NME6: variants seen among roughly 807,000 people sequenced by gnomAD.
NME6 encodes NME/NM23 nucleoside diphosphate kinase 6.
In NME6, 16 loss-of-function variants were observed where a neutral mutation model predicts 22.2. The observed-to-expected ratio is 0.72, with a 90% CI of 0.49 to 1.09. NME6 has a LOEUF of 1.09. Ranked by LOEUF, NME6 falls within the 50% of genes least tolerant of loss-of-function variation. The pLI, the probability that NME6 is intolerant of heterozygous loss-of-function variation, is 0.00. For missense variants in NME6, 229 were observed against 239.0 expected (o/e 0.96, Z 0.28); for synonymous variants, 58 against 85.2 (o/e 0.68, Z 1.76).
downstream of NME6, chr3:48,292,282 C>A (rs1434212818): frequency 6.6e-6 from 1 of 152,202 alleles, no homozygotes; most frequent in Non-Finnish European, 1.5e-5. Flanking sequence ...ACATCTATCT[C>A]TATAGACTGA....
At position 48,294,560 on chromosome 3, in the gene NME6, C is replaced by G. The variant is rs768418713; in HGVS notation, c.*77G>C. 148 of 1,516,172 alleles carry G rather than the reference C, an allele frequency of 9.8e-5. No homozygotes were observed. The highest frequency in any genetic ancestry group is 1.3e-4 in the Non-Finnish European group (139 of 1,108,880). 93.9% of individuals were successfully genotyped at this position (1,516,172 alleles called of 1,614,324 possible). ...GAAATGGCACTGTAAGCCAGGCTTC[C>G]CTGGTCCTAGGAGAATGTTTTAGAC... On this transcript the variant is annotated 3_prime_UTR_variant, in exon 6 of 6. Transcript: ENST00000442597.
At chr3:48,296,928 G>T in intron 2 of NME6, 99 bp from the exon 3 acceptor site, 1 of 880,404 alleles carries the variant, frequency 1.1e-6, no homozygotes, top group Non-Finnish European at 1.8e-6. Context: ...CTGAGGGTTT[G>T]TCCCATTGAA....
At chr3:48,300,776 G>C (rs763121245) in intron 1 of NME6, 1 of 175,192 alleles carries the variant, frequency 5.7e-6, no homozygotes, top group Non-Finnish European at 1.2e-5. Context: ...GGCAGGGCGC[G>C]GTGTCTCACG....
chr3:48,298,360 G>T, intron 2 of NME6, 67 bp downstream of exon 2: 2 of 1,361,322 alleles, frequency 1.5e-6, no homozygotes, highest in Non-Finnish European at 2.1e-6. Context: ...ACCATAAATG[G>T]CCCAATGGCA....
chr3:48,298,934 T>A (rs1239384191), intron 1 of NME6: 3 of 702,764 alleles, frequency 4.3e-6, no homozygotes, highest in Non-Finnish European at 5.2e-6. Context: ...AATTCATCTC[T>A]TAAAATCTTC....
chr3:48,298,112 C>A (rs1371433375), intron 2 of NME6: 2 of 364,384 alleles, frequency 5.5e-6, no homozygotes, highest in Admixed American at 8.5e-5. Context: ...AACTACTGAA[C>A]TGTGAAATAA....
At position 48,296,157 on chromosome 3, in the gene NME6, C is replaced by T; in HGVS notation, c.195G>A (p.Gly65=). 1 of 1,614,172 alleles carries T rather than the reference C, an allele frequency of 6.2e-7. No homozygotes were observed. The highest frequency in any genetic ancestry group is 8.5e-7 in the Non-Finnish European group (1 of 1,180,026). Residue 65 remains glycine, a splice_region_variant and synonymous_variant, in exon 4 of 6, where the codon GGG becomes GGA. Coordinates refer to ENST00000442597, the MANE Select transcript of NME6 (RefSeq NM_001308426.2). Reference sequence around the variant, plus strand: ...CCACCAGCCTCTGATAGAAAAAACGCCCTGCAAAGAGAGAGGACCTTCATC... The same window carrying T: ...CCACCAGCCTCTGATAGAAAAAACGTCCTGCAAAGAGAGAGGACCTTCATC... ...DCQRFYREHE[G]RFFYQRLVEF...
chr3:48,289,126 G>A (rs986035362), downstream of NME6, among the ~76,000 whole-genome samples: 7 of 151,800 alleles, frequency 4.6e-5, no homozygotes, highest in South Asian at 2.1e-4. Context: ...GTGCAATGGC[G>A]TGATCTCAGC....
At chr3:48,291,357 T>G (rs569982377), downstream of NME6, 1 of 471,970 alleles carries the variant, frequency 2.1e-6, no homozygotes, top group East Asian at 7.0e-5. Flanking sequence ...GACTTCCTTG[T>G]TTTCTTTTGC....
chr3:48,298,684 C>T (rs1246598372), intron 1 of NME6, among the ~76,000 whole-genome samples, 161 bp from the exon 2 acceptor site: 1 of 152,158 alleles, frequency 6.6e-6, no homozygotes, highest in Non-Finnish European at 1.5e-5. Context: ...ATTTTAATTG[C>T]CCATTTGGGC....
At chr3:48,290,887 A>G, downstream of NME6, 2 of 235,554 alleles carry the variant, frequency 8.5e-6, no homozygotes, top group East Asian at 1.2e-4. Flanking sequence ...GAATCTTAGG[A>G]TTCTTCTTTT....
At chr3:48,287,787 C>A (rs2034252889), downstream of NME6, among the ~76,000 whole-genome samples, 2 of 152,010 alleles carry the variant, frequency 1.3e-5, no homozygotes, top group Non-Finnish European at 2.9e-5. Flanking sequence ...TTCATCCTAA[C>A]AAGAAGGAAG....
chr3:48,294,484 G>A lies in NME6; in HGVS notation c.*153C>T. The A allele has an allele frequency of 1.6e-6, 1 of 644,702 alleles. No individual in the cohort carries two copies. Among genetic ancestry groups the A allele is most frequent in the Non-Finnish European group, 2.7e-6 (1 of 373,428 alleles). The allele number at this position is 644,702 out of a possible 1,614,324, so 39.9% of individuals were successfully genotyped here. A position where few individuals can be genotyped will look rare whatever the true frequency, so the allele number is the denominator to read the frequency against. ...GAGGTAGATAGAAGGCTAGATCCTG[G>A]AGGATGTGCTGTGGTGAGCTAGGCC... On this transcript the variant is annotated 3_prime_UTR_variant, in exon 6 of 6. Transcript: ENST00000442597.
chr3:48,296,148 G>A lies in NME6; in HGVS notation c.204C>T (p.Phe68=), dbSNP rs200884294. ...CCATGAACTCCACCAGCCTCTGATA[G>A]AAAAAACGCCCTGCAAAGAGAGAGG... ...RFYREHEGRF[F]YQRLVEFMAS... Residue 68 remains phenylalanine (F), a synonymous_variant, in exon 4 of 6, where the codon TTC becomes TTT. Transcript: ENST00000442597. 2.0e-4 allele frequency: 330 copies of A among 1,614,080 alleles called. 3 individuals are homozygous for A. In the Middle Eastern group the frequency reaches 2.1e-3, roughly 10 times the overall value.
At chr3:48,289,405 G>A (rs2034312097), downstream of NME6, among the ~76,000 whole-genome samples, 2 of 152,080 alleles carry the variant, frequency 1.3e-5, no homozygotes, top group South Asian at 4.2e-4. Context: ...GTGGAAAGGT[G>A]GATTGAGGGA....
chr3:48,295,554 T>G (rs2034995203), intron 4 of NME6: 1 of 299,714 alleles, frequency 3.3e-6, no homozygotes, highest in South Asian at 6.7e-5. Context: ...TACAACTTTA[T>G]TTTTTGAGAT....
At chr3:48,296,674 T>C in intron 3 of NME6, 53 bp downstream of exon 3, 1 of 1,272,300 alleles carries the variant, frequency 7.9e-7, no homozygotes, top group South Asian at 1.2e-5. Flanking sequence ...AAAATCTCTC[T>C]TATGGCCTCT....
At chr3:48,291,206 T>C, downstream of NME6, 1 of 366,710 alleles carries the variant, frequency 2.7e-6, no homozygotes, top group South Asian at 2.3e-5. Context: ...AGCTGTGTAA[T>C]ATATTGGAAA....
At chr3:48,290,974 C>T (rs2034412202), downstream of NME6, 5 of 291,646 alleles carry the variant, frequency 1.7e-5, no homozygotes, top group South Asian at 1.5e-4. Context: ...TAGATTCCTT[C>T]CTGTGCGTGG....
Sources: gnomAD v4.1 joint callset for allele counts (sites outside exome capture counted in the v4.1 genomes callset) on GRCh38, gnomAD v4.1.1 for gene constraint, MANE v1.5 for transcripts, NCBI Gene and HGNC (gene_info 2026-07-23, HGNC 2026-07-21) for gene names.